NAALADL2: variants seen among roughly 807,000 people sequenced by gnomAD.
The protein encoded by NAALADL2 is N-acetylated alpha-linked acidic dipeptidase like 2, also known as inactive N-acetylated-alpha-linked acidic dipeptidase-like protein 2.
Under a neutral mutation model 87.2 loss-of-function variants are expected in NAALADL2, and 76 were observed. The observed-to-expected ratio is 0.87, with a 90% confidence interval of 0.72 to 1.05. The LOEUF (loss-of-function observed/expected upper bound fraction) is 1.05, where lower values mean the gene tolerates loss of function less well. Among genes scored for constraint, NAALADL2 ranks in the 50% least tolerant of loss-of-function variants. The pLI is 0.00. For synonymous variants in NAALADL2, 354 were observed against 331.0 expected (o/e 1.07, Z -0.75); for missense variants, 1,089 against 945.8 (o/e 1.15, Z -1.99).
At chr3:175,001,184 G>A (rs1045972890) in intron 1 of NAALADL2, among the ~76,000 whole-genome samples, 1 of 152,126 alleles carries the variant, frequency 6.6e-6, no homozygotes, top group African/African-American at 2.4e-5. Context: ...AAATTTCAAT[G>A]TTCATAAGAA....
intron 2 of NAALADL2, among the ~76,000 whole-genome samples, chr3:175,132,945 A>T (rs1422884156): frequency 6.6e-6 from 1 of 150,840 alleles, no homozygotes; most frequent in African/African-American, 2.4e-5. Flanking sequence ...GTTGCCAGAC[A>T]GAGGGTCTCC....
intron 4 of NAALADL2, among the ~76,000 whole-genome samples, chr3:175,321,031 C>CA (rs1432616101): frequency 1.3e-5 from 2 of 150,922 alleles, no homozygotes; most frequent in Non-Finnish European, 3.0e-5. Flanking sequence ...GAGACACAAC[C>CA]AAAAAAGAGA....
At chr3:174,763,761 A>G (rs1269707722) in intron 3 of NAALADL2, among the ~76,000 whole-genome samples, 1 of 151,366 alleles carries the variant, frequency 6.6e-6, no homozygotes, top group Non-Finnish European at 1.5e-5. Context: ...AAATGATTTG[A>G]AATTGGATTT....
At chr3:175,359,997 G>C (rs1044562731) in intron 5 of NAALADL2, among the ~76,000 whole-genome samples, 1 of 151,980 alleles carries the variant, frequency 6.6e-6, no homozygotes, top group Non-Finnish European at 1.5e-5. Context: ...ATTTTATAAT[G>C]CTATTTTGTG....
chr3:175,165,906 T>C (rs1733929500), intron 2 of NAALADL2, among the ~76,000 whole-genome samples: 1 of 152,086 alleles, frequency 6.6e-6, no homozygotes, highest in Admixed American at 6.6e-5. Context: ...TATTGTTGTT[T>C]GCTGATATCT....
intron 2 of NAALADL2, among the ~76,000 whole-genome samples, chr3:174,707,576 C>T (rs1300801424): frequency 1.4e-5 from 2 of 143,948 alleles, no homozygotes; most frequent in Non-Finnish European, 3.0e-5. Context: ...TGTTCTCACT[C>T]ATAGGTGGGA....
intron 4 of NAALADL2, among the ~76,000 whole-genome samples, chr3:175,269,051 G>T (rs1581200580): frequency 6.6e-6 from 1 of 150,772 alleles, no homozygotes; most frequent in East Asian, 2.0e-4. Context: ...CGATCCTCTT[G>T]CCTCAGCCTC....
intron 11 of NAALADL2, among the ~76,000 whole-genome samples, chr3:175,694,428 G>A (rs1417139559): frequency 1.3e-5 from 2 of 152,136 alleles, no homozygotes; most frequent in Non-Finnish European, 2.9e-5. Context: ...TAAACAACAT[G>A]TTCTAGAGAG....
chr3:175,029,286 C>T lies in NAALADL2; in HGVS notation c.44-67504C>T, dbSNP rs530809684. Among the ~76,000 whole-genome samples the T allele has an allele frequency of 8.5e-5, 13 of 152,078 alleles. No homozygotes were observed. The South Asian group carries it at 2.5e-3, about 29-fold the overall frequency. ...CGTCTCTCTTGTGCCCAACTGCTTC[C>T]CTTACGTTCATTCAGGTAGAGCTGA... On this transcript the variant is annotated intron_variant, in intron 1 of 13. Transcript: ENST00000454872.
intron 5 of NAALADL2, among the ~76,000 whole-genome samples, chr3:175,438,301 G>A (rs527463394): frequency 5.3e-5 from 8 of 152,152 alleles, no homozygotes; most frequent in Admixed American, 2.0e-4. Flanking sequence ...AAATAATAAA[G>A]GATCAGCTGT....
At chr3:175,412,376 A>G (rs768637333) in intron 5 of NAALADL2, among the ~76,000 whole-genome samples, 1 of 152,226 alleles carries the variant, frequency 6.6e-6, no homozygotes, top group Non-Finnish European at 1.5e-5. Context: ...TTTTACAAAA[A>G]TTGAACTTTA....
intron 1 of NAALADL2, among the ~76,000 whole-genome samples, chr3:174,447,515 A>G (rs1387144356): frequency 6.6e-6 from 1 of 152,214 alleles, no homozygotes; most frequent in Non-Finnish European, 1.5e-5. Flanking sequence ...TGCAAAATAC[A>G]TGATTTTAAA....
chr3:175,278,377 A>C (rs1753869209), intron 4 of NAALADL2, among the ~76,000 whole-genome samples: 1 of 152,072 alleles, frequency 6.6e-6, no homozygotes, highest in Admixed American at 6.5e-5. Flanking sequence ...TACCAAACCT[A>C]ACTTCTATTT....
intron 2 of NAALADL2, among the ~76,000 whole-genome samples, chr3:174,644,642 A>G: frequency 6.6e-6 from 1 of 152,282 alleles, no homozygotes; most frequent in East Asian, 1.9e-4. Flanking sequence ...AGCTGATACT[A>G]TGGAGACCTC....
At chr3:175,773,927 A>G (rs771385570) in intron 13 of NAALADL2, among the ~76,000 whole-genome samples, 12 of 152,130 alleles carry the variant, frequency 7.9e-5, no homozygotes, top group African/African-American at 2.4e-5. Context: ...TATGTGGTTT[A>G]TTGTGTCCAC....
Position 174,708,545 on chromosome 3 carries a change from C to T in NAALADL2, c.-114-29096C>T, listed in dbSNP as rs534094262. ...TTAGGGACCATTATGTTTGTGAACT[C>T]ATAATTATAAAATTACATTTTGTAA... On this transcript the variant is annotated intron_variant, in intron 2 of 3. Transcript: ENST00000434257. Among the ~76,000 whole-genome samples the T allele has an allele frequency of 5.3e-5, 8 of 152,118 alleles. No homozygotes were observed. In the South Asian group the frequency reaches 1.5e-3, roughly 28 times the overall value.
At position 174,502,797 on chromosome 3, in the gene NAALADL2, G is replaced by A. The variant is rs552567202; in HGVS notation, c.-183-47772G>A. Among the ~76,000 whole-genome samples the A allele has an allele frequency of 2.0e-5, 3 of 152,142 alleles. No individual in the cohort carries two copies. In the East Asian group the frequency reaches 5.8e-4, roughly 29 times the overall value. On this transcript the variant is annotated intron_variant, in intron 1 of 3. Transcript: ENST00000434257. ...TGTAATCCCAGCAATTTGGGAGGCC[G>A]AGGTGGGTGGATCATGAGGTCAGAA...
At chr3:175,391,153 C>G (rs1769018629) in intron 5 of NAALADL2, among the ~76,000 whole-genome samples, 1 of 152,198 alleles carries the variant, frequency 6.6e-6, no homozygotes, top group Non-Finnish European at 1.5e-5. Context: ...GGTATGCTCT[C>G]AGGTTCTCTG....
intron 5 of NAALADL2, among the ~76,000 whole-genome samples, chr3:175,344,382 A>G (rs1457301070): frequency 6.6e-6 from 1 of 151,092 alleles, no homozygotes. Flanking sequence ...CACTACCACT[A>G]CTTCTCCTTC....
Sources: allele counts gnomAD v4.1 joint callset (sites outside exome capture counted in the v4.1 genomes callset), GRCh38; gene constraint gnomAD v4.1.1; transcripts MANE v1.5; gene names NCBI Gene and HGNC (gene_info 2026-07-23, HGNC 2026-07-21).